The following OSTF1 variants were observed in gnomAD, a reference collection of about 807,000 sequenced individuals.
The protein encoded by OSTF1 is osteoclast stimulating factor 1.
Under a neutral mutation model 37.2 loss-of-function variants are expected in OSTF1, and 27 were observed. That is an observed-to-expected ratio of 0.73 (90% CI 0.54 to 1.00). The LOEUF is 1.00. Ranked by LOEUF, OSTF1 falls within the 50% of genes least tolerant of loss-of-function variation. The pLI is 0.00. For synonymous variants in OSTF1, 82 were observed against 89.2 expected (o/e 0.92, Z 0.46); for missense variants, 232 against 253.8 (o/e 0.91, Z 0.58).
intron 1 of OSTF1, among the ~76,000 whole-genome samples, chr9:75,107,707 C>T (rs934370471): frequency 6.6e-6 from 1 of 152,148 alleles, no homozygotes; most frequent in Non-Finnish European, 1.5e-5. Context: ...TAAAAATACA[C>T]ACATACATGA....
intron 1 of OSTF1, among the ~76,000 whole-genome samples, chr9:75,105,049 ATGTG>A (rs1825260199): frequency 6.6e-6 from 1 of 152,234 alleles, no homozygotes; most frequent in South Asian, 2.1e-4. Context: ...TGTCCCATAA[ATGTG>A]AGTTTAGAAG....
chr9:75,144,981 C>T (rs1825997392), intron 9 of OSTF1, among the ~76,000 whole-genome samples: 1 of 152,160 alleles, frequency 6.6e-6, no homozygotes, highest in Admixed American at 6.6e-5. Context: ...ACTTGAATTT[C>T]CCATTGTGGA....
intron 1 of OSTF1, among the ~76,000 whole-genome samples, chr9:75,090,664 C>T (rs1270528805): frequency 6.6e-6 from 1 of 151,268 alleles, no homozygotes; most frequent in Non-Finnish European, 1.5e-5. Flanking sequence ...TGTGGGCTAG[C>T]TTAGTTGAAG....
chr9:75,111,175 A>G (rs1242451995), intron 1 of OSTF1, among the ~76,000 whole-genome samples: 1 of 152,136 alleles, frequency 6.6e-6, no homozygotes, highest in East Asian at 1.9e-4. Flanking sequence ...GAGCTGACAC[A>G]TACTCTGTTT....
chr9:75,120,161 A>T (rs1029870684), intron 2 of OSTF1, among the ~76,000 whole-genome samples: 5 of 152,196 alleles, frequency 3.3e-5, no homozygotes, highest in African/African-American at 4.8e-5. Flanking sequence ...TAATACCCCC[A>T]TAAGCCCATC....
chr9:75,127,304 A>G (rs867368382), intron 2 of OSTF1, among the ~76,000 whole-genome samples: 1 of 152,182 alleles, frequency 6.6e-6, no homozygotes, highest in African/African-American at 2.4e-5. Context: ...TTGATATACA[A>G]ATGTCTTGCT....
intron 1 of OSTF1, among the ~76,000 whole-genome samples, chr9:75,090,907 C>G (rs1564150993): frequency 6.6e-6 from 1 of 152,190 alleles, no homozygotes; most frequent in Non-Finnish European, 1.5e-5. Flanking sequence ...CGTGTTAACA[C>G]ATTTGCTGCT....
intron 8 of OSTF1, among the ~76,000 whole-genome samples, chr9:75,140,144 G>A (rs967037380): frequency 1.3e-5 from 2 of 152,218 alleles, no homozygotes; most frequent in African/African-American, 2.4e-5. Flanking sequence ...ACGATTTTGT[G>A]TCTATATCAA....
chr9:75,099,824 G>GT (rs1825158270), intron 1 of OSTF1, among the ~76,000 whole-genome samples: 1 of 150,660 alleles, frequency 6.6e-6, no homozygotes, highest in Non-Finnish European at 1.5e-5. Context: ...GTGAGACTCT[G>GT]TTTCAGAAAA....
intron 2 of OSTF1, among the ~76,000 whole-genome samples, chr9:75,120,875 C>T (rs1470784520): frequency 6.6e-6 from 1 of 152,196 alleles, no homozygotes; most frequent in Admixed American, 6.5e-5. Context: ...CTTTCTAGAC[C>T]CATGGCCCTG....
intron 1 of OSTF1, among the ~76,000 whole-genome samples, chr9:75,113,437 C>CT (rs1010924236): frequency 7.7e-4 from 111 of 143,580 alleles, no homozygotes; most frequent in Middle Eastern, 3.6e-3. Flanking sequence ...CTGCAATATT[C>CT]TTTTTTTTTT....
intron 2 of OSTF1, among the ~76,000 whole-genome samples, chr9:75,125,521 T>C (rs1249614360): frequency 6.6e-6 from 1 of 152,208 alleles, no homozygotes; most frequent in East Asian, 1.9e-4. Context: ...TTACAAGGTC[T>C]AGTACATATA....
In OSTF1 at chr9:75,088,655, C is replaced by G. The variant is rs750268037; in HGVS notation, c.-38C>G. The G allele has an allele frequency of 6.3e-7, 1 of 1,598,538 alleles. No individual in the cohort carries two copies. The highest frequency in any genetic ancestry group is 1.1e-5 in the South Asian group (1 of 89,090). On this transcript the variant is annotated 5_prime_UTR_variant, in exon 1 of 10. Transcript: ENST00000346234. ...GGTGGCGGGCAAGCGGTGGGCTTTT[C>G]GGCGGGGTCTTTAGGATTTGCAGCT...
At chr9:75,145,581 A>G (rs1007490684) in intron 9 of OSTF1, among the ~76,000 whole-genome samples, 3 of 152,170 alleles carry the variant, frequency 2.0e-5, no homozygotes, top group African/African-American at 7.2e-5. Context: ...GTTTTCCCTC[A>G]TCAATTGTTT....
At chr9:75,135,862 C>T (rs963661279) in intron 7 of OSTF1, among the ~76,000 whole-genome samples, 1 of 152,224 alleles carries the variant, frequency 6.6e-6, no homozygotes, top group Non-Finnish European at 1.5e-5. Flanking sequence ...CTGAGGCCCT[C>T]AGCTTTTAGA....
chr9:75,092,962 C>T lies in OSTF1; in HGVS notation c.34+4236C>T, dbSNP rs890541895. The stretch of plus-strand genomic sequence containing the variant: ...TCTCCCTTAACTGTTATCTGTGCCA[C>T]CATGGTACTCTACTAAGATGTGTTG... On this transcript the variant is annotated intron_variant, in intron 1 of 9. Transcript: ENST00000346234. 3.9e-5 allele frequency among the ~76,000 whole-genome samples: 6 copies of T among 152,224 alleles called. No homozygotes were observed. In the East Asian group the frequency reaches 1.2e-3, roughly 29 times the overall value.
chr9:75,097,971 C>T (rs563074234), intron 1 of OSTF1, among the ~76,000 whole-genome samples: 3 of 152,020 alleles, frequency 2.0e-5, no homozygotes, highest in Admixed American at 2.0e-4. Flanking sequence ...GATCCTCCCA[C>T]CTTAGCCTTC....
At chr9:75,144,529 G>T (rs943844271) in intron 9 of OSTF1, among the ~76,000 whole-genome samples, 1 of 152,150 alleles carries the variant, frequency 6.6e-6, no homozygotes, top group African/African-American at 2.4e-5. Flanking sequence ...TGCAGCCTGG[G>T]TGACAGAATG....
Position 75,137,616 on chromosome 9 carries a change from G to T in OSTF1, c.487G>T (p.Gly163Cys). ...ADIVQLLLAKGARTDLRNIEK... is the reference protein window; with the variant it reads ...ADIVQLLLAKCARTDLRNIEK... ...TATCGTCCAGTTGCTTCTGGCAAAA[G>T]GTAAAGTTTGTGCTGAGTTTATCTG... Residue 163 changes from glycine to cysteine, a missense_variant and splice_region_variant, in exon 8 of 10, where the codon GGT becomes TGT. Coordinates refer to ENST00000346234, the MANE Select transcript of OSTF1 (RefSeq NM_012383.5). The T allele has an allele frequency of 6.2e-7, 1 of 1,603,862 alleles. No individual in the cohort carries two copies. Among genetic ancestry groups the T allele is most frequent in the Non-Finnish European group, 8.5e-7 (1 of 1,170,702 alleles).
Sources: allele counts gnomAD v4.1 joint callset (sites outside exome capture counted in the v4.1 genomes callset), GRCh38; gene constraint gnomAD v4.1.1; transcripts MANE v1.5; gene names NCBI Gene and HGNC (gene_info 2026-07-23, HGNC 2026-07-21).